RAD51B: variants seen among roughly 807,000 people sequenced by gnomAD.
RAD51B encodes RAD51 paralog B.
In RAD51B, 38 loss-of-function variants were observed where a neutral mutation model predicts 42.2. That is an observed-to-expected ratio of 0.90 (90% CI 0.70 to 1.18). The LOEUF (loss-of-function observed/expected upper bound fraction) is 1.18. Among genes scored for constraint, RAD51B ranks in the 50% most tolerant of loss-of-function variants. The pLI, the probability that RAD51B is intolerant of heterozygous loss-of-function variation, is 0.00. For missense variants in RAD51B, 373 were observed against 400.7 expected (o/e 0.93, Z 0.59); for synonymous variants, 154 against 145.2 (o/e 1.06, Z -0.43).
chr14:68,051,874 A>ATGTGTGTG (rs72459876), intron 7 of RAD51B, among the ~76,000 whole-genome samples: 4 of 148,746 alleles, frequency 2.7e-5, no homozygotes, highest in African/African-American at 9.8e-5. Context: ...CCTCCCACAT[A>ATGTGTGTG]TGTGTGTGTG....
chr14:68,106,729 T>G (rs563966668), intron 7 of RAD51B, among the ~76,000 whole-genome samples: 1 of 152,032 alleles, frequency 6.6e-6, no homozygotes, highest in Non-Finnish European at 1.5e-5. Context: ...ATGATGATGA[T>G]GATAACCATT....
intron 10 of RAD51B, among the ~76,000 whole-genome samples, chr14:68,473,282 G>C (rs1304046086): frequency 6.6e-6 from 1 of 152,198 alleles, no homozygotes; most frequent in Non-Finnish European, 1.5e-5. Flanking sequence ...TCCTCTCCCA[G>C]AGGTCATGGA....
chr14:68,210,108 C>T (rs775942971), intron 7 of RAD51B, among the ~76,000 whole-genome samples: 53 of 152,094 alleles, frequency 3.5e-4, no homozygotes, highest in South Asian at 1.0e-3. Flanking sequence ...AACAGGCGTA[C>T]GCCACCATGC....
rs766897041 is a variant in RAD51B at position 67,825,494 on chromosome 14, A to T, written c.115A>T (p.Met39Leu). Residue 39 changes from methionine to leucine, a missense_variant, in exon 3 of 11, where the codon ATG becomes TTG. Met to Leu is a conservative substitution (Grantham distance 15, BLOSUM62 2). Coordinates refer to ENST00000471583, the MANE Select transcript of RAD51B (RefSeq NM_133510.4). ...DFLCLSPLELMKVTGLSYRGV... is the reference protein window; with the variant it reads ...DFLCLSPLELLKVTGLSYRGV... ...TTTATGTCTTTCCCCACTGGAGCTT[A>T]TGAAGGTGACTGGTCTGAGTTATCG... 12 of 1,613,634 alleles carry T rather than the reference A, an allele frequency of 7.4e-6. No homozygotes were observed. The highest frequency in any genetic ancestry group is 1.0e-5 in the Non-Finnish European group (12 of 1,179,732).
chr14:68,396,511 T>C (rs753503142), intron 8 of RAD51B, among the ~76,000 whole-genome samples: 4 of 152,198 alleles, frequency 2.6e-5, no homozygotes, highest in Non-Finnish European at 5.9e-5. Flanking sequence ...CATCCTAAGA[T>C]ACAGAAAGAT....
At position 67,927,719 on chromosome 14, in the gene RAD51B, G is replaced by A. The variant is rs894198492; in HGVS notation, c.756+40515G>A. ...TTTCATTGTATGTGTGTGTGTGTGT[G>A]TGTGTGTGTGTATTATATAATATAT... is the stretch of plus-strand genomic sequence containing the variant. On this transcript the variant is annotated intron_variant, in intron 7 of 10. Coordinates refer to ENST00000471583, the MANE Select transcript of RAD51B (RefSeq NM_133510.4). 3.4e-5 allele frequency among the ~76,000 whole-genome samples: 5 copies of A among 145,744 alleles called. No homozygotes were observed. The East Asian group carries it at 9.7e-4, about 28-fold the overall frequency.
intron 7 of RAD51B, among the ~76,000 whole-genome samples, chr14:68,058,625 A>G (rs2076518553): frequency 6.6e-6 from 1 of 152,230 alleles, no homozygotes; most frequent in African/African-American, 2.4e-5. Flanking sequence ...ATAGTATACC[A>G]TCATATCTCT....
chr14:68,300,749 T>C (rs2081713671), intron 8 of RAD51B, among the ~76,000 whole-genome samples: 1 of 152,188 alleles, frequency 6.6e-6, no homozygotes, highest in South Asian at 2.1e-4. Context: ...TATTATTATC[T>C]GGTGAGATAT....
intron 7 of RAD51B, among the ~76,000 whole-genome samples, chr14:68,149,351 G>A (rs1206812414): frequency 6.6e-6 from 1 of 151,944 alleles, no homozygotes; most frequent in Non-Finnish European, 1.5e-5. Context: ...TTACTTCTAT[G>A]ATCCACTTTG....
rs530575434 is a variant in RAD51B at position 68,174,843 on chromosome 14, A to G, written c.757-117041A>G. On this transcript the variant is annotated intron_variant, in intron 7 of 10. Transcript: ENST00000471583. ...CCTCATGTTGATTAATCCTCTTTTCAAGGACTGAACTGCATTACATAAGAA... is the reference window on the plus strand; with the variant it reads ...CCTCATGTTGATTAATCCTCTTTTCGAGGACTGAACTGCATTACATAAGAA... Among the ~76,000 whole-genome samples the G allele has an allele frequency of 2.6e-5, 4 of 152,314 alleles. No homozygotes were observed. The South Asian group carries it at 6.2e-4, about 24-fold the overall frequency.
chr14:68,288,251 G>A (rs1343119925), intron 7 of RAD51B, among the ~76,000 whole-genome samples: 2 of 152,210 alleles, frequency 1.3e-5, no homozygotes, highest in African/African-American at 4.8e-5. Context: ...TGTAATCAAT[G>A]CTTTGGGAAA....
At chr14:68,241,907 T>C (rs1313465430) in intron 7 of RAD51B, among the ~76,000 whole-genome samples, 3 of 152,164 alleles carry the variant, frequency 2.0e-5, no homozygotes, top group Admixed American at 1.3e-4. Flanking sequence ...AGGATACTTA[T>C]TGGGTTGTTA....
chr14:68,140,311 T>C (rs1255230919), intron 7 of RAD51B, among the ~76,000 whole-genome samples: 1 of 152,158 alleles, frequency 6.6e-6, no homozygotes, highest in Non-Finnish European at 1.5e-5. Context: ...TTCCTGCAAC[T>C]CAGCTGGTGT....
intron 7 of RAD51B, among the ~76,000 whole-genome samples, chr14:67,911,113 C>T: frequency 6.6e-6 from 1 of 152,136 alleles, no homozygotes; most frequent in East Asian, 1.9e-4. Context: ...CCACCGTGCC[C>T]AGCCCCAGTC....
At chr14:68,261,901 G>T (rs2080897552) in intron 7 of RAD51B, among the ~76,000 whole-genome samples, 2 of 152,094 alleles carry the variant, frequency 1.3e-5, no homozygotes, top group South Asian at 4.1e-4. Context: ...GAAATCTGTG[G>T]CAGGACACAG....
At chr14:67,882,891 C>T (rs1348203558) in intron 5 of RAD51B, among the ~76,000 whole-genome samples, 1 of 152,092 alleles carries the variant, frequency 6.6e-6, no homozygotes, top group Non-Finnish European at 1.5e-5. Context: ...ATTACAGGCG[C>T]CCGTCACCAC....
At chr14:68,127,621 A>ACACG (rs1181626563) in intron 7 of RAD51B, among the ~76,000 whole-genome samples, 4 of 129,462 alleles carry the variant, frequency 3.1e-5, no homozygotes, top group Admixed American at 7.2e-5. Flanking sequence ...ACACACACAC[A>ACACG]CACACACACA....
intron 10 of RAD51B, among the ~76,000 whole-genome samples, chr14:68,519,562 G>A (rs1244538308): frequency 6.6e-6 from 1 of 152,164 alleles, no homozygotes; most frequent in African/African-American, 2.4e-5. Flanking sequence ...GGGAATTTTG[G>A]GGTCTCAGCT....
chr14:68,654,012 T>A (rs1281808698), intron 11 of RAD51B, among the ~76,000 whole-genome samples: 1 of 152,106 alleles, frequency 6.6e-6, no homozygotes, highest in African/African-American at 2.4e-5. Context: ...GATCCTGAGG[T>A]TAGGGAAAGC....
Sources: allele counts gnomAD v4.1 joint callset (sites outside exome capture counted in the v4.1 genomes callset), GRCh38; gene constraint gnomAD v4.1.1; transcripts MANE v1.5; gene names NCBI Gene and HGNC (gene_info 2026-07-23, HGNC 2026-07-21).